The following ANKRD36 variants were observed in gnomAD, a reference collection of about 807,000 sequenced individuals.
ANKRD36 encodes the protein ankyrin repeat domain 36.
A neutral mutation model predicts 278.1 loss-of-function variants in ANKRD36; 179 were observed. The observed-to-expected ratio is 0.64, with a 90% CI of 0.57 to 0.73. The LOEUF (loss-of-function observed/expected upper bound fraction) is 0.73. Ranked by LOEUF, ANKRD36 falls within the 30% of genes least tolerant of loss-of-function variation. The pLI is 0.00. For missense variants in ANKRD36, 1,159 were observed against 1,956.7 expected (o/e 0.59, Z 7.69); for synonymous variants, 320 against 641.1 (o/e 0.50, Z 7.57).
At chr2:97,213,040 T>A (rs2065086891) in intron 58 of ANKRD36, 1 of 487,642 alleles carries the variant, frequency 2.1e-6, no homozygotes, top group Non-Finnish European at 3.5e-6. Context: ...TTCTGATTTC[T>A]TGCATGGAAG....
At chr2:97,226,580 G>C (rs1449732261) in intron 67 of ANKRD36, among the ~76,000 whole-genome samples, 2 of 151,874 alleles carry the variant, frequency 1.3e-5, no homozygotes, top group African/African-American at 4.8e-5. Flanking sequence ...TAGGTTGCCT[G>C]TTCACTCTGA....
chr2:97,212,933 T>C, intron 58 of ANKRD36: 1 of 292,800 alleles, frequency 3.4e-6, no homozygotes, highest in Non-Finnish European at 6.4e-6. Context: ...ACGTGAAGTG[T>C]ACGTTCAACT....
chr2:97,160,027 C>T (rs947782187), intron 17 of ANKRD36, among the ~76,000 whole-genome samples: 2 of 152,252 alleles, frequency 1.3e-5, no homozygotes, highest in Non-Finnish European at 2.9e-5. Flanking sequence ...TCGTGATCTG[C>T]CCGCCTCGGC....
chr2:97,200,458 A>G lies in ANKRD36; in HGVS notation c.2790A>G (p.Thr930=). 6.3e-7 allele frequency: 1 copy of G among 1,593,066 alleles called. No homozygotes were observed. Among genetic ancestry groups the G allele is most frequent in the Non-Finnish European group, 8.5e-7 (1 of 1,174,708 alleles). The part of the protein sequence containing the change: ...SSRKKPSLEA[T]SDEKDSFSNI... Reference sequence around the variant, plus strand: ...TTGTTTCAAATTCCATTCAGGCCACAAGTGATGAGAAGGATTCTTTTTCGA... The same window carrying G: ...TTGTTTCAAATTCCATTCAGGCCACGAGTGATGAGAAGGATTCTTTTTCGA... Residue 930 remains threonine (T), a synonymous_variant, in exon 46 of 76, where the codon ACA becomes ACG. Transcript: ENST00000420699.
chr2:97,190,397 T>G (rs62154806), intron 34 of ANKRD36, among the ~76,000 whole-genome samples: 13,033 of 67,118 alleles, frequency 0.19, 1,322 homozygotes, highest in Non-Finnish European at 0.42. Flanking sequence ...AACACATGGG[T>G]GTGAGAGATA....
intron 56 of ANKRD36, among the ~76,000 whole-genome samples, chr2:97,210,798 A>C (rs562470081): frequency 6.6e-6 from 1 of 152,006 alleles, no homozygotes; most frequent in Non-Finnish European, 1.5e-5. Context: ...ATTAATATCT[A>C]ATGCTTGTAG....
At chr2:97,180,956 G>A (rs537655116) in intron 24 of ANKRD36, among the ~76,000 whole-genome samples, 2 of 151,748 alleles carry the variant, frequency 1.3e-5, no homozygotes, top group African/African-American at 4.8e-5. Flanking sequence ...TTGTTGCCAT[G>A]AGCGGATGAA....
At chr2:97,201,780 A>ATGAATGTT (rs1443344538) in intron 46 of ANKRD36, among the ~76,000 whole-genome samples, 6 of 151,930 alleles carry the variant, frequency 3.9e-5, no homozygotes, top group Admixed American at 1.3e-4. Context: ...AAAGAGCATG[A>ATGAATGTT]TGAATGTTTG....
At chr2:97,198,322 T>G in intron 42 of ANKRD36, 141 bp from the exon 43 acceptor site, 1 of 1,501,324 alleles carries the variant, frequency 6.7e-7, no homozygotes. Context: ...CACGTTCTAG[T>G]CCCCAGACAC....
In ANKRD36 at chr2:97,113,711, C is replaced by G. The variant is rs762774979; in HGVS notation, c.-29C>G. The G allele has an allele frequency of 1.2e-6, 2 of 1,611,356 alleles. No homozygotes were observed. Among genetic ancestry groups the G allele is most frequent in the African/African-American group, 2.7e-5 (2 of 74,992 alleles). On this transcript the variant is annotated 5_prime_UTR_variant, in exon 1 of 76. Coordinates refer to ENST00000420699, the MANE Select transcript of ANKRD36 (RefSeq NM_001354587.1). The stretch of plus-strand genomic sequence containing the variant: ...TCCCCGAAGGCGAGCTGAAATACGG[C>G]TGCAGGCTACAATTTGCAGCCGACG...
intron 62 of ANKRD36, chr2:97,215,937 T>C (rs2065817272): frequency 2.8e-6 from 1 of 354,052 alleles, no homozygotes; most frequent in Non-Finnish European, 4.9e-6. Flanking sequence ...GAAGTAGTAA[T>C]TATTTTCCGC....
chr2:97,195,949 G>C (rs1368773726), intron 40 of ANKRD36, among the ~76,000 whole-genome samples: 1 of 151,972 alleles, frequency 6.6e-6, no homozygotes, highest in Non-Finnish European at 1.5e-5. Context: ...AGTGGATGAA[G>C]AAACATTTGG....
chr2:97,196,832 A>T (rs1157700942), intron 42 of ANKRD36, 44 bp downstream of exon 42: 2 of 1,542,054 alleles, frequency 1.3e-6, no homozygotes, highest in Admixed American at 2.0e-5. Flanking sequence ...GTCCAGATAG[A>T]TAAGAAGTTC....
At chr2:97,222,961 C>A (rs987787744) in intron 66 of ANKRD36, among the ~76,000 whole-genome samples, 19 of 152,080 alleles carry the variant, frequency 1.2e-4, no homozygotes, top group African/African-American at 4.6e-4. Flanking sequence ...TTATAGCATT[C>A]ATTCTTTGAA....
intron 44 of ANKRD36, among the ~76,000 whole-genome samples, chr2:97,199,265 A>C (rs1296915726): frequency 8.6e-5 from 13 of 151,934 alleles, no homozygotes; most frequent in Non-Finnish European, 1.8e-4. Flanking sequence ...TACTGGAAGC[A>C]GGAAACAATG....
chr2:97,117,945 G>A lies in ANKRD36; in HGVS notation c.198-119G>A, dbSNP rs182345704. ...TTCATTAATGTGGTGAGTAATAAGC[G>A]CTAACAAATGTTGTACTTTCTTCAC... On this transcript the variant is annotated intron_variant, in intron 1 of 75. Coordinates refer to ENST00000420699, the MANE Select transcript of ANKRD36 (RefSeq NM_001354587.1). 5.2e-4 allele frequency: 721 copies of A among 1,396,626 alleles called. 17 individuals carry two copies. In the African/African-American group the frequency reaches 9.3e-3, roughly 18 times the overall value. The allele number at this position is 1,396,626 out of a possible 1,614,324, so 86.5% of individuals were successfully genotyped here.
At chr2:97,220,476 T>C (rs9631084) in intron 66 of ANKRD36, among the ~76,000 whole-genome samples, 23,671 of 140,960 alleles carry the variant, frequency 0.17, 3,145 homozygotes, top group South Asian at 0.6. Flanking sequence ...CCACAAAGGA[T>C]TGACAACATG....
chr2:97,205,108 A>C (rs1459005639), intron 50 of ANKRD36, among the ~76,000 whole-genome samples: 1 of 151,614 alleles, frequency 6.6e-6, no homozygotes, highest in African/African-American at 2.4e-5. Context: ...AACAAAAATT[A>C]TGTTGCATTC....
At chr2:97,173,490 TC>T (rs2053274523) in intron 22 of ANKRD36, among the ~76,000 whole-genome samples, 1 of 151,820 alleles carries the variant, frequency 6.6e-6, no homozygotes, top group South Asian at 2.1e-4. Context: ...TACACGTTAG[TC>T]AAGTGTCTGA....
Sources: gnomAD v4.1 joint callset for allele counts (sites outside exome capture counted in the v4.1 genomes callset) on GRCh38, gnomAD v4.1.1 for gene constraint, MANE v1.5 for transcripts, NCBI Gene and HGNC (gene_info 2026-07-23, HGNC 2026-07-21) for gene names.